Variants in SAMD5 observed in about 807,000 individuals in gnomAD.
SAMD5 encodes sterile alpha motif domain containing 5.
Under a neutral mutation model 11.3 loss-of-function variants are expected in SAMD5, and 13 were observed. That is an observed-to-expected ratio of 1.15 (90% CI 0.75 to 1.83). The LOEUF is 1.83. Among genes scored for constraint, SAMD5 ranks in the 40% most tolerant of loss-of-function variants. The probability of loss-of-function intolerance (pLI) is 0.00; values close to 1 mark genes in which losing one functional copy is unlikely to be tolerated. For missense variants in SAMD5, 255 were observed against 239.1 expected, an observed-to-expected ratio of 1.07 and a Z score of -0.44; for synonymous variants, 129 against 111.3, an observed-to-expected ratio of 1.16 and a Z score of -1.00.
Position 147,568,725 on chromosome 6 carries a change from A to T in SAMD5, c.*4269A>T, listed in dbSNP as rs188171241. 1.0e-6 allele frequency: 1 copy of T among 983,192 alleles called. No homozygotes were observed. The highest frequency in any genetic ancestry group is 1.7e-5 in the African/African-American group (1 of 57,188). The allele number at this position is 983,192 out of a possible 1,614,324, so 60.9% of individuals were successfully genotyped here. The stretch of plus-strand genomic sequence containing the variant: ...TTTAGAGTTTTCTAATTTTACTCTT[A>T]TTAGCTCCCTCAGTTGTCATCAATT... On this transcript the variant is annotated 3_prime_UTR_variant, in exon 2 of 2. Transcript: ENST00000367474.
intron 1 of SAMD5, among the ~76,000 whole-genome samples, chr6:147,585,227 C>A (rs902677888): frequency 2.0e-5 from 3 of 151,962 alleles, no homozygotes; most frequent in African/African-American, 7.3e-5. Flanking sequence ...GGGGTGGAAG[C>A]GAGTGGAGGA....
chr6:147,550,848 G>C (rs985218144), intron 1 of SAMD5, among the ~76,000 whole-genome samples: 22 of 151,936 alleles, frequency 1.4e-4, no homozygotes, highest in Admixed American at 2.6e-4. Context: ...GCCCAGACTT[G>C]ACTGCTACTC....
At chr6:147,704,667 C>G (rs1276620664) in intron 1 of SAMD5, among the ~76,000 whole-genome samples, 1 of 152,122 alleles carries the variant, frequency 6.6e-6, no homozygotes, top group African/African-American at 2.4e-5. Flanking sequence ...AACCAGATCC[C>G]TTTAAGGTTG....
chr6:147,778,528 G>A, the SAMD5 span, among the ~76,000 whole-genome samples: 27 of 152,148 alleles, frequency 1.8e-4, no homozygotes, highest in African/African-American at 6.3e-4. Context: ...ATTCTACCTG[G>A]TTCTCAGGCT....
the SAMD5 span, among the ~76,000 whole-genome samples, chr6:147,838,537 C>CT: frequency 1.4e-5 from 2 of 144,824 alleles, no homozygotes; most frequent in Admixed American, 6.8e-5. Flanking sequence ...TCCTGCCCCC[C>CT]CCCCGTAGTT....
chr6:147,656,956 A>G (rs561343203), intron 1 of SAMD5, among the ~76,000 whole-genome samples: 7 of 149,942 alleles, frequency 4.7e-5, no homozygotes, highest in African/African-American at 1.7e-4. Context: ...TTCATTGTTC[A>G]TTGAAGCATT....
In SAMD5 at chr6:147,604,784, G is replaced by C. The variant is rs145900097; in HGVS notation, c.162+95397G>C. Among the ~76,000 whole-genome samples the C allele has an allele frequency of 5.9e-3, 905 of 152,214 alleles. 12 individuals are homozygous for C. The highest frequency in any genetic ancestry group is 0.021 in the African/African-American group (859 of 41,532). On this transcript the variant is annotated intron_variant, in intron 1 of 1. Coordinates refer to the SAMD5 transcript ENST00000566741. Reference sequence around the variant, plus strand: ...GCCTTAATGATAGCTTTCTACATACGTCTTCTAGAATACCTGCAGTCTACA... The same window carrying C: ...GCCTTAATGATAGCTTTCTACATACCTCTTCTAGAATACCTGCAGTCTACA...
chr6:147,736,152 T>A (rs1160675301), intron 1 of SAMD5, among the ~76,000 whole-genome samples: 1 of 152,202 alleles, frequency 6.6e-6, no homozygotes, highest in African/African-American at 2.4e-5. Context: ...GCAACGTTTG[T>A]GTGTCTCTGT....
the SAMD5 span, among the ~76,000 whole-genome samples, chr6:147,919,849 G>A: frequency 1.3e-5 from 2 of 152,282 alleles, no homozygotes; most frequent in Non-Finnish European, 2.9e-5. Context: ...TTGAGGCCAG[G>A]GAAGCAACGT....
the SAMD5 span, among the ~76,000 whole-genome samples, chr6:147,862,633 T>C: frequency 6.6e-6 from 1 of 152,210 alleles, no homozygotes. Flanking sequence ...TATTTCCTGG[T>C]ATCAAATAGT....
chr6:147,847,353 C>T, the SAMD5 span, among the ~76,000 whole-genome samples: 2 of 152,108 alleles, frequency 1.3e-5, no homozygotes, highest in East Asian at 3.9e-4. Flanking sequence ...TTGTTGCTCA[C>T]AACAAAGCAG....
chr6:147,621,992 G>A (rs367850117), intron 1 of SAMD5, among the ~76,000 whole-genome samples: 13 of 152,204 alleles, frequency 8.5e-5, no homozygotes, highest in South Asian at 2.1e-4. Context: ...GGAGGAACAC[G>A]TGATTGTGCT....
At chr6:147,806,296 G>A in the SAMD5 span, among the ~76,000 whole-genome samples, 1 of 115,228 alleles carries the variant, frequency 8.7e-6, no homozygotes, top group African/African-American at 3.8e-5. Context: ...AAAAACGAGT[G>A]TGCGCATGCG....
At chr6:147,760,941 G>A in the SAMD5 span, among the ~76,000 whole-genome samples, 11 of 152,040 alleles carry the variant, frequency 7.2e-5, no homozygotes, top group South Asian at 2.1e-4. Flanking sequence ...AAATTACTTC[G>A]AATTCAAATA....
At chr6:147,801,884 C>CTGTATGA in the SAMD5 span, among the ~76,000 whole-genome samples, 6 of 151,998 alleles carry the variant, frequency 3.9e-5, no homozygotes, top group Non-Finnish European at 8.8e-5. Context: ...GAACCTTGAC[C>CTGTATGA]CCTATTTCAC....
At chr6:147,662,497 G>T (rs1286571344) in intron 1 of SAMD5, among the ~76,000 whole-genome samples, 1 of 152,182 alleles carries the variant, frequency 6.6e-6, no homozygotes, top group African/African-American at 2.4e-5. Flanking sequence ...ACATGAATTA[G>T]GAAAGGATTT....
chr6:147,528,734 G>C (rs1281142500), intron 1 of SAMD5, among the ~76,000 whole-genome samples: 1 of 152,204 alleles, frequency 6.6e-6, no homozygotes, highest in African/African-American at 2.4e-5. Flanking sequence ...AAACTAGGTG[G>C]TTGCCTAGTG....
chr6:147,606,323 T>A (rs533728502), intron 1 of SAMD5, among the ~76,000 whole-genome samples: 30 of 152,232 alleles, frequency 2.0e-4, no homozygotes, highest in African/African-American at 5.8e-4. Flanking sequence ...TGGGTTGTTT[T>A]CTTGGATTCC....
chr6:147,612,926 T>C, intron 1 of SAMD5, among the ~76,000 whole-genome samples: 1 of 152,260 alleles, frequency 6.6e-6, no homozygotes, highest in East Asian at 1.9e-4. Context: ...TGGTTGGGCA[T>C]GGTGGCTCAT....
Sources: allele counts gnomAD v4.1 joint callset (sites outside exome capture counted in the v4.1 genomes callset), GRCh38; gene constraint gnomAD v4.1.1; transcripts MANE v1.5; gene names NCBI Gene and HGNC (gene_info 2026-07-23, HGNC 2026-07-21).